The following PCMTD1 variants were observed in gnomAD, a reference collection of about 807,000 sequenced individuals.
PCMTD1 encodes the protein protein-L-isoaspartate O-methyltransferase domain-containing protein 1.
In PCMTD1, 12 loss-of-function variants were observed where a neutral mutation model predicts 37.6. The ratio of observed to expected loss-of-function variants is 0.32; its 90% CI spans 0.20 to 0.52. PCMTD1 has a LOEUF of 0.52. PCMTD1 is among the 20% of genes least tolerant of loss of function. The pLI is 0.97. For synonymous variants in PCMTD1, 117 were observed against 135.8 expected (o/e 0.86, Z 0.96); for missense variants, 235 against 421.3 (o/e 0.56, Z 3.87).
At chr8:51,832,906 C>A (rs765945403) in intron 4 of PCMTD1, among the ~76,000 whole-genome samples, 1 of 152,146 alleles carries the variant, frequency 6.6e-6, no homozygotes, top group Non-Finnish European at 1.5e-5. Context: ...GATACAGAGG[C>A]ACAATCATGG....
At chr8:51,826,959 A>C in intron 5 of PCMTD1, 1 of 912,574 alleles carries the variant, frequency 1.1e-6, no homozygotes, top group Admixed American at 6.2e-5. Flanking sequence ...AATATGAGCA[A>C]CTTGATTACT....
intron 2 of PCMTD1, among the ~76,000 whole-genome samples, chr8:51,846,235 C>T (rs776973021): frequency 4.6e-5 from 7 of 152,180 alleles, no homozygotes; most frequent in Non-Finnish European, 8.8e-5. Context: ...CCACTCCATG[C>T]CTTTTGGAGC....
chr8:51,859,587 T>C (rs921231076), intron 2 of PCMTD1, among the ~76,000 whole-genome samples: 6 of 152,272 alleles, frequency 3.9e-5, no homozygotes, highest in South Asian at 2.1e-4. Context: ...AATTAGCTAG[T>C]GTGTAGGGAG....
intron 1 of PCMTD1, among the ~76,000 whole-genome samples, chr8:51,866,211 A>C (rs6473660): frequency 0.51 from 76,914 of 151,710 alleles, 23,585 homozygotes; most frequent in Non-Finnish European, 0.68. Flanking sequence ...CAGAAATAAT[A>C]GTTAAAATGT....
At chr8:51,869,013 C>G (rs1223958433) in intron 1 of PCMTD1, among the ~76,000 whole-genome samples, 1 of 151,998 alleles carries the variant, frequency 6.6e-6, no homozygotes, top group Non-Finnish European at 1.5e-5. Flanking sequence ...GACATTCTTT[C>G]CAAATCCAGA....
At position 51,854,625 on chromosome 8, in the gene PCMTD1, T is replaced by A. The variant is rs563518190; in HGVS notation, c.307+6220A>T. On this transcript the variant is annotated intron_variant, in intron 2 of 5. Coordinates refer to ENST00000522514, the MANE Select transcript of PCMTD1 (RefSeq NM_052937.4). ...CAGGCGCAGTGGTTTATGCCTGTAA[T>A]CCCAGCACTTTGGGAGCCCGAGGTG... Among the ~76,000 whole-genome samples, 4 of 152,306 alleles carry A rather than the reference T, an allele frequency of 2.6e-5. No homozygotes were observed. In the South Asian group the frequency reaches 6.2e-4, roughly 24 times the overall value.
intron 1 of PCMTD1, among the ~76,000 whole-genome samples, chr8:51,888,838 T>C (rs1031030822): frequency 6.6e-6 from 1 of 152,200 alleles, no homozygotes; most frequent in African/African-American, 2.4e-5. Flanking sequence ...CAACCATTTC[T>C]TAGTGGCTGA....
At chr8:51,895,237 T>C (rs896637072) in intron 1 of PCMTD1, among the ~76,000 whole-genome samples, 1 of 152,198 alleles carries the variant, frequency 6.6e-6, no homozygotes, top group African/African-American at 2.4e-5. Flanking sequence ...GAGTTGGAGA[T>C]GCCAGTTTGT....
Position 51,820,657 on chromosome 8 carries a change from T to C in PCMTD1, c.768A>G (p.Arg256=), listed in dbSNP as rs529910762. The change falls in exon 6 of 6, where the codon AGA becomes AGG. Residue 256 remains arginine, a synonymous_variant. Transcript: ENST00000522514. Reference sequence around the variant, plus strand: ...CCTGCATCTCATCATTTATGAAATTTCTAAGTGTGCGTCGAATGTAAATAC... The same window carrying C: ...CCTGCATCTCATCATTTATGAAATTCCTAAGTGTGCGTCGAATGTAAATAC... ...LARIYIRRTL[R]NFINDEMQAK... is the part of the protein sequence containing the mutation. 6.2e-7 allele frequency: 1 copy of C among 1,613,862 alleles called. No homozygotes were observed. The highest frequency in any genetic ancestry group is 1.1e-5 in the South Asian group (1 of 90,972).
chr8:51,858,155 A>C (rs891728140), intron 2 of PCMTD1, among the ~76,000 whole-genome samples: 3 of 151,934 alleles, frequency 2.0e-5, no homozygotes, highest in Admixed American at 6.6e-5. Context: ...ACTCTCACTG[A>C]ATTTGTTTCT....
chr8:51,883,962 A>G (rs1268155311), intron 1 of PCMTD1, among the ~76,000 whole-genome samples: 1 of 152,256 alleles, frequency 6.6e-6, no homozygotes, highest in Admixed American at 6.5e-5. Flanking sequence ...AAAGAAAATC[A>G]TAAAATTATC....
chr8:51,862,658 T>C (rs2038490737), intron 1 of PCMTD1, among the ~76,000 whole-genome samples: 4 of 152,262 alleles, frequency 2.6e-5, no homozygotes, highest in Middle Eastern at 3.4e-3. Flanking sequence ...GTATACCAAT[T>C]AGGGTCTCAA....
Position 51,820,620 on chromosome 8 carries a change from G to A in PCMTD1, c.805C>T (p.Pro269Ser). The A allele has an allele frequency of 6.2e-7, 1 of 1,612,258 alleles. No homozygotes were observed. The highest frequency in any genetic ancestry group is 8.5e-7 in the Non-Finnish European group (1 of 1,179,584). The change falls in exon 6 of 6, where the codon CCT becomes TCT. Residue 269 changes from proline to serine, a missense_variant. Around this residue, in one of 3 missense-constraint regions of PCMTD1, gnomAD observed 183 missense variants for 349.3 expected, o/e 0.52. Transcript: ENST00000522514. ...TTCCTTTTGGGTGGAGCCCTTTGAG[G>A]AATCCCCTTGGCCTGCATCTCATCA... ...INDEMQAKGI[P>S]QRAPPKRKRK...
At chr8:51,863,494 T>C (rs1331858671) in intron 1 of PCMTD1, among the ~76,000 whole-genome samples, 1 of 152,218 alleles carries the variant, frequency 6.6e-6, no homozygotes, top group Non-Finnish European at 1.5e-5. Context: ...AAAATTACTA[T>C]AACCCAGGCC....
At chr8:51,850,431 C>G (rs2038288594) in intron 2 of PCMTD1, among the ~76,000 whole-genome samples, 1 of 152,094 alleles carries the variant, frequency 6.6e-6, no homozygotes, top group Non-Finnish European at 1.5e-5. Flanking sequence ...TTGATTTAAA[C>G]TGTAAATGCC....
At chr8:51,824,792 C>G (rs958830949) in intron 5 of PCMTD1, among the ~76,000 whole-genome samples, 1 of 152,194 alleles carries the variant, frequency 6.6e-6, no homozygotes, top group Non-Finnish European at 1.5e-5. Flanking sequence ...TGACTTCAAA[C>G]TATACCACAA....
intron 1 of PCMTD1, among the ~76,000 whole-genome samples, chr8:51,882,846 G>A (rs115703731): frequency 0.059 from 8,787 of 150,110 alleles, 493 homozygotes; most frequent in East Asian, 0.29. Flanking sequence ...AATAAAAAAC[G>A]GCCGGACGCA....
chr8:51,832,196 T>C (rs1163721870), intron 4 of PCMTD1, among the ~76,000 whole-genome samples: 2 of 152,206 alleles, frequency 1.3e-5, no homozygotes, highest in Non-Finnish European at 2.9e-5. Flanking sequence ...TGTAAAATAG[T>C]ATAGAGTAAA....
At chr8:51,857,056 A>G (rs1450957310) in intron 2 of PCMTD1, among the ~76,000 whole-genome samples, 3 of 152,270 alleles carry the variant, frequency 2.0e-5, no homozygotes, top group Non-Finnish European at 4.4e-5. Context: ...ACGAGCACTG[A>G]GGTCAAAGGC....
Sources: gnomAD v4.1 joint callset for allele counts (sites outside exome capture counted in the v4.1 genomes callset) on GRCh38, gnomAD v4.1.1 for gene constraint, gnomAD v4.1.1 regional missense constraint, MANE v1.5 for transcripts, NCBI Gene and HGNC (gene_info 2026-07-23, HGNC 2026-07-21) for gene names.